The following DIAPH2 variants were observed in gnomAD, a reference collection of about 807,000 sequenced individuals.
DIAPH2 encodes the protein diaphanous related formin 2.
In DIAPH2, 35 loss-of-function variants were observed where a neutral mutation model predicts 92.7. The observed-to-expected ratio is 0.38, with a 90% CI of 0.29 to 0.50. DIAPH2 has a LOEUF of 0.50. Ranked by LOEUF, DIAPH2 falls within the 20% of genes least tolerant of loss-of-function variation. The pLI is 0.94. For synonymous variants in DIAPH2, 301 were observed against 280.4 expected (o/e 1.07, Z -0.73); for missense variants, 701 against 819.5 (o/e 0.86, Z 1.77).
intron 4 of DIAPH2, among the ~76,000 whole-genome samples, chrX:96,802,533 G>A (rs763345696): frequency 1.8e-5 from 2 of 111,731 alleles, no homozygotes; most frequent in East Asian, 5.6e-4. Flanking sequence ...TTTTTGGTAT[G>A]AATGCCCTTG....
At chrX:96,863,613 T>A (rs1222914134) in intron 4 of DIAPH2, among the ~76,000 whole-genome samples, 2 of 110,998 alleles carry the variant, frequency 1.8e-5, no homozygotes, top group Non-Finnish European at 3.8e-5. Context: ...TAGAGTTTTT[T>A]TTACCTAATT....
chrX:97,399,199 G>A (rs756343982), intron 25 of DIAPH2, among the ~76,000 whole-genome samples: 14 of 111,597 alleles, frequency 1.3e-4, no homozygotes, highest in African/African-American at 4.6e-4. Context: ...TGGAAAGTAG[G>A]ACCATATGCC....
chrX:96,828,203 T>TGC (rs2064827912), intron 4 of DIAPH2, among the ~76,000 whole-genome samples: 1 of 112,202 alleles, frequency 8.9e-6, no homozygotes, highest in Non-Finnish European at 1.9e-5. Flanking sequence ...TCAGTGTATA[T>TGC]GGACCCAGTA....
intron 8 of DIAPH2, among the ~76,000 whole-genome samples, chrX:96,917,691 A>G (rs1168421648): frequency 9.0e-6 from 1 of 111,197 alleles, no homozygotes; most frequent in Non-Finnish European, 1.9e-5. Flanking sequence ...TGGAGATACC[A>G]ATATTTTTGG....
intron 18 of DIAPH2, among the ~76,000 whole-genome samples, chrX:97,074,445 G>A (rs184749698): frequency 2.7e-5 from 3 of 112,494 alleles, no homozygotes; most frequent in African/African-American, 9.7e-5. Flanking sequence ...TCAAGTTCTG[G>A]TGATAAGAAC....
intron 17 of DIAPH2, among the ~76,000 whole-genome samples, chrX:97,011,398 A>G (rs2066224668): frequency 8.9e-6 from 1 of 112,047 alleles, no homozygotes. Flanking sequence ...ACAATGAATA[A>G]AATGAGATTC....
intron 17 of DIAPH2, among the ~76,000 whole-genome samples, chrX:96,998,960 G>A (rs886466606): frequency 2.7e-5 from 3 of 112,091 alleles, no homozygotes; most frequent in Non-Finnish European, 5.6e-5. Context: ...CGTTGTAATC[G>A]TTTTTATCAC....
At chrX:96,831,043 C>T (rs2064851432) in intron 4 of DIAPH2, among the ~76,000 whole-genome samples, 1 of 111,993 alleles carries the variant, frequency 8.9e-6, no homozygotes, top group Non-Finnish European at 1.9e-5. Flanking sequence ...CTTCCCCTGG[C>T]TTAGTGTGCT....
chrX:97,555,700 A>G (rs1284211570), intron 26 of DIAPH2, among the ~76,000 whole-genome samples: 1 of 112,163 alleles, frequency 8.9e-6, no homozygotes, highest in Non-Finnish European at 1.9e-5. Context: ...CTGATTTTAA[A>G]TAAAACTCTG....
At chrX:97,058,538 T>C (rs2066574237) in intron 17 of DIAPH2, among the ~76,000 whole-genome samples, 1 of 108,269 alleles carries the variant, frequency 9.2e-6, no homozygotes, top group African/African-American at 3.4e-5. Flanking sequence ...TACTTTCTCT[T>C]ATTGAAACAT....
intron 24 of DIAPH2, among the ~76,000 whole-genome samples, chrX:97,365,015 A>C (rs908382749): frequency 9.0e-5 from 10 of 110,830 alleles, no homozygotes; most frequent in Admixed American, 5.8e-4. Flanking sequence ...CATCCTTTTC[A>C]ACTTTCTCCC....
intron 4 of DIAPH2, among the ~76,000 whole-genome samples, chrX:96,810,790 T>G (rs189127268): frequency 0.016 from 1,761 of 111,892 alleles, 18 homozygotes; most frequent in Non-Finnish European, 0.025. Flanking sequence ...TTTCCCCATT[T>G]CTTGTTTTTG....
chrX:96,883,386 GT>G (rs748718266), intron 5 of DIAPH2, among the ~76,000 whole-genome samples: 14 of 101,228 alleles, frequency 1.4e-4, no homozygotes, highest in South Asian at 8.8e-4. Context: ...TTTGTTTTTT[GT>G]TTTTTTTTTT....
chrX:97,596,978 A>G (rs891602296), intron 26 of DIAPH2, among the ~76,000 whole-genome samples: 1 of 112,237 alleles, frequency 8.9e-6, no homozygotes, highest in African/African-American at 3.2e-5. Context: ...TTTAAACTAA[A>G]TTAGTTTTAA....
At position 97,553,810 on chromosome X, in the gene DIAPH2, G is replaced by A. The variant is rs748219945; in HGVS notation, c.3242-45443G>A. On this transcript the variant is annotated intron_variant, in intron 26 of 26. Transcript: ENST00000324765. Reference sequence around the variant, plus strand: ...TTTATGGCAATGGTGCCAGACAGCCGGGGTTTGTATCTTGACTCTTCCTAC... The same window carrying A: ...TTTATGGCAATGGTGCCAGACAGCCAGGGTTTGTATCTTGACTCTTCCTAC... Among the ~76,000 whole-genome samples, 4 of 110,820 alleles carry A rather than the reference G, an allele frequency of 3.6e-5. No individual in the cohort carries two copies. The South Asian group carries it at 1.2e-3, about 32-fold the overall frequency.
chrX:97,132,211 C>T (rs1479664041), intron 21 of DIAPH2, among the ~76,000 whole-genome samples: 1 of 111,287 alleles, frequency 9.0e-6, no homozygotes, highest in African/African-American at 3.3e-5. Context: ...TATCTGTTTC[C>T]TTTTGGTTGG....
intron 26 of DIAPH2, among the ~76,000 whole-genome samples, chrX:97,570,122 A>AG (rs1569426243): frequency 4.7e-4 from 10 of 21,290 alleles, no homozygotes; most frequent in African/African-American, 1.0e-3. Flanking sequence ...ATATATATAT[A>AG]TTAGAAGATA....
intron 22 of DIAPH2, among the ~76,000 whole-genome samples, chrX:97,222,746 C>T (rs1457190562): frequency 8.9e-6 from 1 of 111,983 alleles, no homozygotes; most frequent in Non-Finnish European, 1.9e-5. Context: ...AACTAACACA[C>T]AATGCTAGTA....
At chrX:97,469,602 A>G in intron 26 of DIAPH2, 1 of 818,694 alleles carries the variant, frequency 1.2e-6, no homozygotes, top group South Asian at 2.9e-5. Flanking sequence ...TGAGCTGTTT[A>G]TGGTTTTGTC....
Sources: gnomAD v4.1 joint callset for allele counts (sites outside exome capture counted in the v4.1 genomes callset) on GRCh38, gnomAD v4.1.1 for gene constraint, MANE v1.5 for transcripts, NCBI Gene and HGNC (gene_info 2026-07-23, HGNC 2026-07-21) for gene names.